The following ITGBL1 variants were observed in gnomAD, a reference collection of about 807,000 sequenced individuals.
ITGBL1 encodes the protein integrin beta-like protein 1.
Under a neutral mutation model 68.5 loss-of-function variants are expected in ITGBL1, and 51 were observed. The observed-to-expected ratio is 0.74, with a 90% CI of 0.59 to 0.94. ITGBL1 has a LOEUF of 0.94. Among genes scored for constraint, ITGBL1 ranks in the 40% least tolerant of loss-of-function variants. ITGBL1 has a pLI of 0.00. For missense variants in ITGBL1, 649 were observed against 647.4 expected (o/e 1.00, Z -0.03); for synonymous variants, 209 against 227.3 (o/e 0.92, Z 0.72).
intron 7 of ITGBL1, among the ~76,000 whole-genome samples, chr13:101,612,999 T>A (rs2031205381): frequency 6.6e-6 from 1 of 152,172 alleles, no homozygotes; most frequent in South Asian, 2.1e-4. Context: ...GCCACGTGGC[T>A]GCATGACACC....
intron 2 of ITGBL1, among the ~76,000 whole-genome samples, chr13:101,549,947 C>T (rs1260379121): frequency 2.6e-5 from 4 of 152,022 alleles, no homozygotes; most frequent in Admixed American, 1.3e-4. Context: ...CACACTTCTG[C>T]ACAAAGATGC....
intron 2 of ITGBL1, among the ~76,000 whole-genome samples, chr13:101,465,407 T>A (rs955853623): frequency 6.6e-6 from 1 of 152,202 alleles, no homozygotes; most frequent in Non-Finnish European, 1.5e-5. Context: ...ATTTTCTCTA[T>A]CTTTGAGGCA....
chr13:101,604,171 T>C (rs1170463872), intron 7 of ITGBL1, among the ~76,000 whole-genome samples: 1 of 151,888 alleles, frequency 6.6e-6, no homozygotes, highest in Non-Finnish European at 1.5e-5. Flanking sequence ...TATATACTTA[T>C]AGCAATGGTT....
At chr13:101,604,885 T>TACACACAC (rs1449617732) in intron 7 of ITGBL1, among the ~76,000 whole-genome samples, 530 of 11,852 alleles carry the variant, frequency 0.045, 8 homozygotes, top group Non-Finnish European at 0.062. Flanking sequence ...TATATATATA[T>TACACACAC]ATACACACAC....
At chr13:101,684,382 A>T (rs2033707675) in intron 7 of ITGBL1, among the ~76,000 whole-genome samples, 1 of 151,944 alleles carries the variant, frequency 6.6e-6, no homozygotes, top group African/African-American at 2.4e-5. Flanking sequence ...TTTAAGCTTT[A>T]AAAAATCCTG....
chr13:101,495,001 C>G (rs1256174888), intron 2 of ITGBL1, among the ~76,000 whole-genome samples: 3 of 152,174 alleles, frequency 2.0e-5, no homozygotes, highest in Non-Finnish European at 4.4e-5. Flanking sequence ...TTATTTCACA[C>G]AAGTGCTATA....
chr13:101,644,030 G>A (rs181621431), intron 7 of ITGBL1, among the ~76,000 whole-genome samples: 1 of 152,164 alleles, frequency 6.6e-6, no homozygotes, highest in Admixed American at 6.5e-5. Context: ...TGGAAGATCC[G>A]GCAACTTTGG....
At chr13:101,645,924 T>G (rs74951963) in intron 7 of ITGBL1, among the ~76,000 whole-genome samples, 2 of 152,228 alleles carry the variant, frequency 1.3e-5, no homozygotes, top group African/African-American at 4.8e-5. Flanking sequence ...TTGAATTTTT[T>G]GTTTTCTCCA....
chr13:101,591,644 A>ATAT lies in ITGBL1; in HGVS notation c.869-6506_869-6504dup, dbSNP rs143421339. Among the ~76,000 whole-genome samples, 1,371 of 152,328 alleles carry ATAT rather than the reference A, an allele frequency of 9.0e-3. 20 individuals are homozygous for ATAT. The highest frequency in any genetic ancestry group is 0.031 in the African/African-American group (1,295 of 41,564). On this transcript the variant is annotated intron_variant, in intron 6 of 10. Transcript: ENST00000376180. ...AAGATGGAACCGCAAACCTCAAGGA[A>ATAT]TATTAGTAAAATGGTCTAGTCTTTA... is the stretch of plus-strand genomic sequence containing the variant.
chr13:101,496,872 C>T (rs2048864794), intron 2 of ITGBL1, among the ~76,000 whole-genome samples: 1 of 152,134 alleles, frequency 6.6e-6, no homozygotes, highest in South Asian at 2.1e-4. Context: ...ATAAAGGTGT[C>T]CTTAAAAATC....
chr13:101,718,932 A>G (rs1049116086), downstream of ITGBL1: 1 of 152,088 alleles, frequency 6.6e-6, no homozygotes, highest in African/African-American at 2.4e-5. Context: ...ATTTCACTCA[A>G]AGTAAGACCA....
chr13:101,681,827 T>C (rs930566511), intron 7 of ITGBL1, among the ~76,000 whole-genome samples: 1 of 152,144 alleles, frequency 6.6e-6, no homozygotes, highest in East Asian at 1.9e-4. Context: ...TGCGCATGTG[T>C]GTATATGTGT....
At chr13:101,642,776 A>G (rs1053875083) in intron 7 of ITGBL1, among the ~76,000 whole-genome samples, 10 of 151,990 alleles carry the variant, frequency 6.6e-5, no homozygotes, top group African/African-American at 1.9e-4. Context: ...TCAGCTTTCT[A>G]CATATGGCTG....
chr13:101,475,628 A>G (rs929456654), intron 2 of ITGBL1, among the ~76,000 whole-genome samples: 1 of 152,188 alleles, frequency 6.6e-6, no homozygotes, highest in Non-Finnish European at 1.5e-5. Flanking sequence ...AAGGAATTCA[A>G]TAGTCAAATT....
intron 6 of ITGBL1, among the ~76,000 whole-genome samples, chr13:101,591,542 A>AT (rs561581529): frequency 0.01 from 1,564 of 150,014 alleles, 26 homozygotes; most frequent in African/African-American, 0.035. Context: ...TGATTTTGTG[A>AT]TTTTTTTTTT....
chr13:101,471,313 G>A (rs1282994804), intron 2 of ITGBL1, among the ~76,000 whole-genome samples: 1 of 152,042 alleles, frequency 6.6e-6, no homozygotes, highest in Non-Finnish European at 1.5e-5. Flanking sequence ...ATCCTCAACA[G>A]CAACTTCTTT....
chr13:101,484,029 T>G (rs9582494), intron 2 of ITGBL1, among the ~76,000 whole-genome samples: 10,214 of 152,096 alleles, frequency 0.067, 519 homozygotes, highest in East Asian at 0.28. Flanking sequence ...TTCATCAATC[T>G]CTATTCTTTT....
At chr13:101,564,346 A>ATCC (rs2050147191) in intron 2 of ITGBL1, among the ~76,000 whole-genome samples, 1 of 151,954 alleles carries the variant, frequency 6.6e-6, no homozygotes, top group Admixed American at 6.6e-5. Flanking sequence ...TATTAAAGAA[A>ATCC]AAACTTGATA....
At chr13:101,589,546 A>G (rs1015553962) in intron 6 of ITGBL1, among the ~76,000 whole-genome samples, 2 of 152,202 alleles carry the variant, frequency 1.3e-5, no homozygotes. Context: ...CATAGAAGAC[A>G]TATCAGTGGA....
Sources: gnomAD v4.1 joint callset for allele counts (sites outside exome capture counted in the v4.1 genomes callset) on GRCh38, gnomAD v4.1.1 for gene constraint, MANE v1.5 for transcripts, NCBI Gene and HGNC (gene_info 2026-07-23, HGNC 2026-07-21) for gene names.